NBPF12: variants seen among roughly 807,000 people sequenced by gnomAD.
The protein encoded by NBPF12 is NBPF member 12.
A neutral mutation model predicts 146.4 loss-of-function variants in NBPF12; 115 were observed. The ratio of observed to expected loss-of-function variants is 0.79; its 90% CI spans 0.68 to 0.92. NBPF12 has a LOEUF of 0.92. Ranked by LOEUF, NBPF12 falls within the 40% of genes least tolerant of loss-of-function variation. NBPF12 has a pLI of 0.00. For synonymous variants in NBPF12, 385 were observed against 508.9 expected (o/e 0.76, Z 3.28); for missense variants, 1,205 against 1,326.8 (o/e 0.91, Z 1.43).
chr1:146,980,099 G>C (rs1264251496), intron 19 of NBPF12, among the ~76,000 whole-genome samples: 7 of 151,026 alleles, frequency 4.6e-5, no homozygotes, highest in Admixed American at 4.6e-4. Context: ...GATATTTGTT[G>C]GTTTAAAGTC....
At chr1:146,987,755 G>GTGTGTGTGTGTGTGTGTGTGTGTGTGTC (rs1657879866) in intron 25 of NBPF12, among the ~76,000 whole-genome samples, 199 bp from the exon 29 acceptor site, 4 of 151,724 alleles carry the variant, frequency 2.6e-5, no homozygotes, top group African/African-American at 9.8e-5. Flanking sequence ...GTGTGTGTGT[G>GTGTGTGTGTGTGTGTGTGTGTGTGTGTC]TGTGTCTGTC....
chr1:146,972,268 C>T (rs1292114452), intron 13 of NBPF12, among the ~76,000 whole-genome samples: 1 of 150,630 alleles, frequency 6.6e-6, no homozygotes, highest in Non-Finnish European at 1.5e-5. Context: ...TTACTTGGCG[C>T]TTGTAATCCC....
chr1:146,945,640 T>C (rs1655018661), upstream of NBPF12, among the ~76,000 whole-genome samples: 1 of 150,736 alleles, frequency 6.6e-6, no homozygotes, highest in African/African-American at 2.5e-5. Flanking sequence ...ATAGATGTTA[T>C]TTTTTAGAAC....
chr1:146,980,565 A>T (rs1242343646), intron 19 of NBPF12, among the ~76,000 whole-genome samples: 1 of 151,722 alleles, frequency 6.6e-6, no homozygotes, highest in African/African-American at 2.4e-5. Context: ...TTTCTCCTTC[A>T]CTTATGAAGC....
intron 2 of NBPF12, 36 bp downstream of exon 2, chr1:146,943,598 CAG>C (rs1428780617): frequency 1.8e-6 from 2 of 1,083,850 alleles, no homozygotes; most frequent in African/African-American, 1.6e-5. Flanking sequence ...TCGATGGGGT[CAG>C]AGAGTCCTCT....
intron 1 of NBPF12, among the ~76,000 whole-genome samples, chr1:146,942,967 A>G (rs1206823794): frequency 3.5e-5 from 5 of 140,914 alleles, no homozygotes; most frequent in African/African-American, 1.3e-4. Flanking sequence ...CAGTGGTGCC[A>G]TCATAGCTCA....
At chr1:146,962,761 A>C (rs1415005539) in intron 5 of NBPF12, among the ~76,000 whole-genome samples, 2 of 148,314 alleles carry the variant, frequency 1.3e-5, no homozygotes, top group Admixed American at 1.4e-4. Flanking sequence ...AAGATGCACT[A>C]TGTGTATTTT....
chr1:146,939,857 C>T (rs1422133362), intron 1 of NBPF12, among the ~76,000 whole-genome samples: 3 of 151,788 alleles, frequency 2.0e-5, no homozygotes, highest in Admixed American at 1.3e-4. Flanking sequence ...GTGGCAGGTG[C>T]CTGTAGTCCC....
intron 6 of NBPF12, among the ~76,000 whole-genome samples, chr1:146,963,630 A>G (rs1212060919): frequency 1.3e-5 from 2 of 151,944 alleles, no homozygotes; most frequent in African/African-American, 4.8e-5. Context: ...TGGGCTAAGA[A>G]TGAAGGTTCC....
chr1:146,970,359 A>T (rs1570858425), intron 11 of NBPF12, among the ~76,000 whole-genome samples: 1 of 150,730 alleles, frequency 6.6e-6, no homozygotes, highest in South Asian at 2.1e-4. Flanking sequence ...AGGATGGGGG[A>T]GACAGCTGCC....
chr1:146,950,623 T>G (rs1406310813), intron 1 of NBPF12, among the ~76,000 whole-genome samples: 6 of 152,136 alleles, frequency 3.9e-5, no homozygotes, highest in African/African-American at 1.4e-4. Flanking sequence ...TCTCACACTC[T>G]TTTGCGTATG....
chr1:146,941,758 CAAAAAAAAAAAA>C (rs1226007703), intron 1 of NBPF12, among the ~76,000 whole-genome samples: 1 of 61,842 alleles, frequency 1.6e-5, no homozygotes, highest in Admixed American at 1.9e-4. Context: ...TGTCTTGTAC[CAAAAAAAAAAAA>C]AAAAAAAAGA....
chr1:146,983,909 GAA>G (rs1657542319), intron 20 of NBPF12, among the ~76,000 whole-genome samples: 7 of 145,680 alleles, frequency 4.8e-5, no homozygotes, highest in Non-Finnish European at 9.0e-5. Context: ...AGCACATAGG[GAA>G]GATAACATTC....
In NBPF12 at chr1:146,963,382, G is replaced by A. The variant is rs1469672826; in HGVS notation, c.493+73G>A. On this transcript the variant is annotated intron_variant, in intron 6 of 33. Coordinates refer to ENST00000617844, the Ensembl canonical transcript of NBPF12. ...AGGCTCCAGACCTCCATACTTTCAT[G>A]ATGACAGTTGTATCAGTGGGGTTTT... is the stretch of plus-strand genomic sequence containing the variant. 1,977 of 1,589,510 alleles carry A rather than the reference G, an allele frequency of 1.2e-3. 44 individuals carry two copies. In the African/African-American group the frequency reaches 0.023, roughly 18 times the overall value.
At chr1:146,963,639 C>G (rs1247134554) in intron 6 of NBPF12, among the ~76,000 whole-genome samples, 1 of 151,872 alleles carries the variant, frequency 6.6e-6, no homozygotes. Context: ...AATGAAGGTT[C>G]CCAGGCTGTC....
chr1:146,964,767 G>T, intron 7 of NBPF12, 126 bp from the exon 11 acceptor site: 3 of 1,479,176 alleles, frequency 2.0e-6, no homozygotes, highest in Non-Finnish European at 2.8e-6. Context: ...CCTCTTTAAG[G>T]GAACCTCCAT....
intron 14 of NBPF12, 72 bp downstream of exon 17, chr1:146,973,032 T>G: frequency 3.8e-6 from 3 of 785,440 alleles, no homozygotes; most frequent in Non-Finnish European, 7.0e-6. Context: ...AACTAAGTGC[T>G]CTCTCCATCA....
In NBPF12 at chr1:146,980,422, G is replaced by C. The variant is rs1457278163; in HGVS notation, c.2450+1412G>C. Among the ~76,000 whole-genome samples the C allele has an allele frequency of 8.5e-5, 13 of 152,080 alleles. No homozygotes were observed. In the South Asian group the frequency reaches 2.3e-3, roughly 27 times the overall value. On this transcript the variant is annotated intron_variant, in intron 19 of 33. Transcript: ENST00000617844. ...TTCTTCCTAGCTTCAATGGTCTTTA[G>C]AGTTTGGCATGTTTTTGCAGTGGCT...
intron 1 of NBPF12, among the ~76,000 whole-genome samples, chr1:146,949,974 C>T (rs783912): frequency 0.15 from 22,683 of 151,814 alleles, 2,180 homozygotes; most frequent in Middle Eastern, 0.25. Flanking sequence ...CCAGTTCATG[C>T]GGTAACCTCA....
Sources: allele counts gnomAD v4.1 joint callset (sites outside exome capture counted in the v4.1 genomes callset), GRCh38; gene constraint gnomAD v4.1.1; transcripts MANE v1.5; gene names NCBI Gene and HGNC (gene_info 2026-07-23, HGNC 2026-07-21).